The following FBXO16 variants were observed in gnomAD, a reference collection of about 807,000 sequenced individuals.
The protein encoded by FBXO16 is F-box only protein 16.
A neutral mutation model predicts 41.0 loss-of-function variants in FBXO16; 31 were observed. That is an observed-to-expected ratio of 0.76 (90% CI 0.57 to 1.02). The LOEUF is 1.02. FBXO16 is among the 50% of genes least tolerant of loss of function. The pLI, the probability that FBXO16 is intolerant of heterozygous loss-of-function variation, is 0.00. For missense variants in FBXO16, 361 were observed against 346.2 expected (o/e 1.04, Z -0.34); for synonymous variants, 133 against 117.8 (o/e 1.13, Z -0.84).
At chr8:28,460,245 A>ATATATTTTT (rs1477457728) in intron 4 of FBXO16, among the ~76,000 whole-genome samples, 2 of 85,484 alleles carry the variant, frequency 2.3e-5, no homozygotes, top group Admixed American at 1.6e-4. Flanking sequence ...ATATATATAT[A>ATATATTTTT]TTTTTTTTTT....
chr8:28,475,792 A>G lies in FBXO16; in HGVS notation c.100-1985T>C, dbSNP rs552225370. 2.0e-5 allele frequency among the ~76,000 whole-genome samples: 3 copies of G among 152,340 alleles called. No homozygotes were observed. The South Asian group carries it at 6.2e-4, about 32-fold the overall frequency. On this transcript the variant is annotated intron_variant, in intron 2 of 8. Transcript: ENST00000380254. ...GTCCATGGAAGGCCCTCAATAAACC[A>G]TTTTGCTGATTGACTAACAACAACA...
At chr8:28,471,447 C>CTCTT (rs146141472) in intron 3 of FBXO16, among the ~76,000 whole-genome samples, 2 of 145,066 alleles carry the variant, frequency 1.4e-5, no homozygotes, top group Admixed American at 6.7e-5. Context: ...TCCTTCCTCT[C>CTCTT]TCTTTCTTTC....
At position 28,436,053 on chromosome 8, in the gene FBXO16, T is replaced by C. The variant is rs114590088; in HGVS notation, c.844-6650A>G. Among the ~76,000 whole-genome samples the C allele has an allele frequency of 5.2e-3, 793 of 152,300 alleles. 7 individuals are homozygous for C. The highest frequency in any genetic ancestry group is 0.017 in the African/African-American group (697 of 41,574). ...ATTGCCTAAAGCATAGGTTGGGGGC[T>C]GAGGTCATGGGTAGAGACAAAGGCT... On this transcript the variant is annotated intron_variant, in intron 7 of 8. Coordinates refer to ENST00000380254, the MANE Select transcript of FBXO16 (RefSeq NM_172366.4).
At chr8:28,475,374 A>G (rs539261374) in intron 2 of FBXO16, among the ~76,000 whole-genome samples, 1 of 152,310 alleles carries the variant, frequency 6.6e-6, no homozygotes, top group Non-Finnish European at 1.5e-5. Flanking sequence ...CTTTTTGCAC[A>G]TAAGAGAAGA....
At chr8:28,458,759 T>C (rs1384054583) in intron 4 of FBXO16, among the ~76,000 whole-genome samples, 2 of 152,004 alleles carry the variant, frequency 1.3e-5, no homozygotes, top group African/African-American at 4.8e-5. Flanking sequence ...TCCTCTTCTT[T>C]AGATCACGTT....
At chr8:28,483,540 C>CG (rs1803550756) in intron 1 of FBXO16, 78 bp from the exon 2 acceptor site, 1 of 1,060,580 alleles carries the variant, frequency 9.4e-7, no homozygotes. Flanking sequence ...TAATACCAGC[C>CG]AGGCACGATG....
intron 2 of FBXO16, among the ~76,000 whole-genome samples, chr8:28,479,288 C>G (rs919591735): frequency 6.6e-6 from 1 of 152,086 alleles, no homozygotes; most frequent in Admixed American, 6.6e-5. Flanking sequence ...TGCATCTGAC[C>G]CTTTTCTCTC....
At chr8:28,457,513 G>C (rs573786258) in intron 4 of FBXO16, among the ~76,000 whole-genome samples, 2 of 152,268 alleles carry the variant, frequency 1.3e-5, no homozygotes, top group East Asian at 1.9e-4. Flanking sequence ...AAGGGGAAAG[G>C]CATGTCTTAC....
chr8:28,439,021 A>G (rs1386474792), intron 7 of FBXO16, among the ~76,000 whole-genome samples: 1 of 150,868 alleles, frequency 6.6e-6, no homozygotes, highest in African/African-American at 2.4e-5. Context: ...AATCGTTTGA[A>G]CCCAGGAGGC....
At chr8:28,443,755 C>T (rs1186692697) in intron 7 of FBXO16, among the ~76,000 whole-genome samples, 1 of 152,086 alleles carries the variant, frequency 6.6e-6, no homozygotes, top group Non-Finnish European at 1.5e-5. Flanking sequence ...AATGATAAAA[C>T]AGGTTGCAAT....
intron 7 of FBXO16, among the ~76,000 whole-genome samples, chr8:28,435,045 C>T (rs1802667200): frequency 6.6e-6 from 1 of 152,142 alleles, no homozygotes; most frequent in Admixed American, 6.5e-5. Context: ...CAGCTGCCCT[C>T]CACTGGTGAG....
chr8:28,482,386 T>A (rs1803528762), intron 2 of FBXO16, among the ~76,000 whole-genome samples: 1 of 152,110 alleles, frequency 6.6e-6, no homozygotes, highest in South Asian at 2.1e-4. Context: ...GGTCCTTGCA[T>A]ACAGCGATTG....
At chr8:28,429,098 C>G (rs1415542302) in intron 8 of FBXO16, among the ~76,000 whole-genome samples, 1 of 152,156 alleles carries the variant, frequency 6.6e-6, no homozygotes, top group African/African-American at 2.4e-5. Context: ...GGGCTAGAGA[C>G]TTGGGATTTT....
intron 4 of FBXO16, among the ~76,000 whole-genome samples, chr8:28,463,202 GTGTT>G (rs1239614509): frequency 1.3e-5 from 2 of 151,042 alleles, no homozygotes; most frequent in African/African-American, 2.5e-5. Context: ...GTTTGTGTAT[GTGTT>G]TGTGTGTTTA....
At chr8:28,442,611 T>C (rs1448021774) in intron 7 of FBXO16, among the ~76,000 whole-genome samples, 1 of 152,106 alleles carries the variant, frequency 6.6e-6, no homozygotes, top group Admixed American at 6.5e-5. Context: ...CTCAAACTCC[T>C]GACCTCAGGT....
At chr8:28,429,063 A>G (rs1372613049) in intron 8 of FBXO16, among the ~76,000 whole-genome samples, 1 of 152,210 alleles carries the variant, frequency 6.6e-6, no homozygotes, top group East Asian at 1.9e-4. Context: ...GTCCAAGTTC[A>G]CACCGCTAAA....
intron 7 of FBXO16, among the ~76,000 whole-genome samples, chr8:28,433,094 AAAC>A (rs1802635540): frequency 4.6e-5 from 6 of 131,736 alleles, no homozygotes; most frequent in African/African-American, 2.6e-4. Context: ...ACAAACAAAC[AAAC>A]AAAACATAAC....
At chr8:28,429,554 C>T in intron 7 of FBXO16, 151 bp from the exon 8 acceptor site, 1 of 814,672 alleles carries the variant, frequency 1.2e-6, no homozygotes, top group East Asian at 2.7e-5. Flanking sequence ...GAGGATTGGG[C>T]TGAACACAGA....
At chr8:28,478,261 C>T (rs564952354) in intron 2 of FBXO16, among the ~76,000 whole-genome samples, 1 of 152,076 alleles carries the variant, frequency 6.6e-6, no homozygotes, top group East Asian at 1.9e-4. Context: ...ATTAAAGAAC[C>T]AATGAGTACT....
Sources: gnomAD v4.1 joint callset for allele counts (sites outside exome capture counted in the v4.1 genomes callset) on GRCh38, gnomAD v4.1.1 for gene constraint, MANE v1.5 for transcripts, NCBI Gene and HGNC (gene_info 2026-07-23, HGNC 2026-07-21) for gene names.